Variants in DDX20 observed in about 807,000 individuals in gnomAD.
DDX20 encodes the protein probable ATP-dependent RNA helicase DDX20.
In DDX20, 61 loss-of-function variants were observed where a neutral mutation model predicts 76.4. That is an observed-to-expected ratio of 0.80 (90% CI 0.65 to 0.99). DDX20 has a LOEUF of 0.99. DDX20 is among the 50% of genes least tolerant of loss of function. DDX20 has a pLI of 0.00. For missense variants in DDX20, 976 were observed against 996.8 expected (o/e 0.98, Z 0.28); for synonymous variants, 357 against 357.4 (o/e 1.00, Z 0.01).
chr1:111,756,266 G>GGGGGGGGGAC, intron 1 of DDX20, 41 bp downstream of exon 1: 1 of 842,534 alleles, frequency 1.2e-6, no homozygotes, highest in South Asian at 2.0e-5. Context: ...GGTGGGGTGG[G>GGGGGGGGGAC]AGAAGGGGGA....
chr1:111,766,703 G>A lies in DDX20; in HGVS notation c.2279G>A (p.Arg760Lys), dbSNP rs773781778. The A allele has an allele frequency of 1.2e-6, 2 of 1,614,016 alleles. No homozygotes were observed. Among genetic ancestry groups the A allele is most frequent in the East Asian group, 2.2e-5 (1 of 44,888 alleles). Reference protein sequence around the residue: ...AQEDDWYDCHREIRLSFSDTY... With the variant: ...AQEDDWYDCHKEIRLSFSDTY... Reference sequence around the variant, plus strand: ...GAAGATGATTGGTATGACTGTCATAGGGAAATACGTCTGAGTTTTTCTGAT... The same window carrying A: ...GAAGATGATTGGTATGACTGTCATAAGGAAATACGTCTGAGTTTTTCTGAT... Residue 760 changes from arginine to lysine, a missense_variant, in exon 11 of 11, where the codon AGG (arginine) becomes AAG (lysine). By Grantham distance (26) the Arg-to-Lys change is conservative (BLOSUM62 2). Around this residue, in one of 3 missense-constraint regions of DDX20, gnomAD observed 630 missense variants for 693.7 expected, o/e 0.91. Coordinates refer to ENST00000369702, the MANE Select transcript of DDX20 (RefSeq NM_007204.5).
At position 111,755,951 on chromosome 1, in the gene DDX20, A is replaced by G. The variant is rs1663534603; in HGVS notation, c.27A>G (p.Gly9=). 1 of 1,586,892 alleles carries G rather than the reference A, an allele frequency of 6.3e-7. No homozygotes were observed. Among genetic ancestry groups the G allele is most frequent in the South Asian group, 1.1e-5 (1 of 88,892 alleles). Residue 9 remains glycine, a synonymous_variant, in exon 1 of 11, where the codon GGA becomes GGG. Transcript: ENST00000369702. The part of the protein sequence containing the change: MAAAFEAS[G]ALAAVATAMP... ...TGGCGGCGGCATTTGAAGCCTCGGG[A>G]GCCTTAGCAGCAGTGGCGACTGCTA... is the stretch of plus-strand genomic sequence containing the variant.
At chr1:111,760,355 G>C (rs933217476) in intron 3 of DDX20, 119 bp from the exon 4 acceptor site, 8 of 692,058 alleles carry the variant, frequency 1.2e-5, no homozygotes, top group Admixed American at 5.8e-5. Context: ...TGCATAATGA[G>C]AGTTGAATCA....
intron 10 of DDX20, among the ~76,000 whole-genome samples, chr1:111,764,260 C>T (rs548694651): frequency 2.0e-5 from 3 of 149,016 alleles, no homozygotes; most frequent in East Asian, 2.0e-4. Context: ...CCAGCCTGGG[C>T]GAAAGTGCGA....
rs1010271832 is a variant in DDX20, at chr1:111,766,924, AG to A, written c.*27del. On this transcript the variant is annotated 3_prime_UTR_variant, in exon 11 of 11. Transcript: ENST00000369702. ...ATTATAGGATATACCTGAGACCATCAGGAACTGTCAACAAATGATACCTTTG... is the reference window on the plus strand; with the variant it reads ...ATTATAGGATATACCTGAGACCATCAGAACTGTCAACAAATGATACCTTTG... 3 of 1,550,864 alleles carry A rather than the reference AG, an allele frequency of 1.9e-6. No individual in the cohort carries two copies. Among genetic ancestry groups the A allele is most frequent in the Non-Finnish European group, 2.6e-6 (3 of 1,137,736 alleles).
At chr1:111,763,782 A>G (rs1571612099) in intron 10 of DDX20, among the ~76,000 whole-genome samples, 1 of 152,144 alleles carries the variant, frequency 6.6e-6, no homozygotes. Context: ...ATTGGAGTGA[A>G]ATGTTTTCTT....
chr1:111,762,670 A>G lies in DDX20; in HGVS notation c.1105-7A>G, dbSNP rs759581160. On this transcript the variant is annotated splice_polypyrimidine_tract_variant and splice_region_variant and intron_variant, in intron 8 of 10. Transcript: ENST00000369702. The stretch of plus-strand genomic sequence containing the variant: ...AAACAAATAATTGCTATCTTCTTCA[A>G]TTCAAGACTTCTCGTGGGATTGATG... The G allele has an allele frequency of 1.9e-6, 3 of 1,610,856 alleles. No individual in the cohort carries two copies. Among genetic ancestry groups the G allele is most frequent in the South Asian group, 2.2e-5 (2 of 90,832 alleles).
In DDX20 at chr1:111,766,800, T is replaced by G; in HGVS notation, c.2376T>G (p.Ser792=). Residue 792 remains serine, a synonymous_variant, in exon 11 of 11, where the codon TCT becomes TCG. Coordinates refer to ENST00000369702, the MANE Select transcript of DDX20 (RefSeq NM_007204.5). The stretch of plus-strand genomic sequence containing the variant: ...GGCAAGAATATTATGCTGCCGCTTC[T>G]CATTCATATTATTGGAATGCTCAGA... ...RAWQEYYAAA[S]HSYYWNAQRH... The G allele has an allele frequency of 1.9e-6, 3 of 1,614,162 alleles. No individual in the cohort carries two copies. The highest frequency in any genetic ancestry group is 2.5e-6 in the Non-Finnish European group (3 of 1,179,962).
intron 2 of DDX20, 79 bp downstream of exon 2, chr1:111,756,819 C>G: frequency 1.7e-6 from 2 of 1,187,134 alleles, no homozygotes; most frequent in Non-Finnish European, 2.5e-6. Context: ...AGTAGCTCCT[C>G]AGAGCTGGAA....
chr1:111,761,078 C>T lies in DDX20; in HGVS notation c.915C>T (p.Ser305=). ...CTCAGCATTTACAGGAACTGTTCAG[C>T]AGAATTCCATTTAATCAAGCTTTAG... The part of the protein sequence containing the change: ...EKTQHLQELF[S]RIPFNQALVF... The change falls in exon 6 of 11, where the codon AGC becomes AGT. Residue 305 remains serine, a synonymous_variant. Transcript: ENST00000369702. The T allele has an allele frequency of 6.2e-7, 1 of 1,613,936 alleles. No individual in the cohort carries two copies. The highest frequency in any genetic ancestry group is 8.5e-7 in the Non-Finnish European group (1 of 1,179,906).
Position 111,762,245 on chromosome 1 carries a change from G to T in DDX20, c.1022-10G>T, listed in dbSNP as rs1190539137. On this transcript the variant is annotated splice_polypyrimidine_tract_variant and intron_variant, in intron 7 of 10. Coordinates refer to ENST00000369702, the MANE Select transcript of DDX20 (RefSeq NM_007204.5). ...TGTTTTTATGTGACTTTCTTTTGGG[G>T]TCCTTTTAGGCAATATGAATCAGAA... The T allele has an allele frequency of 3.7e-6, 6 of 1,604,948 alleles. No homozygotes were observed. The highest frequency in any genetic ancestry group is 5.1e-6 in the Non-Finnish European group (6 of 1,176,998).
intron 10 of DDX20, 31 bp downstream of exon 10, chr1:111,763,038 TA>T (rs1663707932): frequency 1.3e-6 from 2 of 1,506,280 alleles, no homozygotes; most frequent in Non-Finnish European, 1.8e-6. Context: ...TATTTCAAAA[TA>T]ATTATAGTGG....
intron 7 of DDX20, chr1:111,761,983 A>G (rs1663684949): frequency 3.4e-6 from 1 of 291,662 alleles, no homozygotes; most frequent in African/African-American, 2.2e-5. Context: ...TATACTTCAT[A>G]TGTAACTTTG....
chr1:111,760,766 C>A lies in DDX20; in HGVS notation c.741C>A (p.Pro247=), dbSNP rs770298635. The change falls in exon 5 of 11, where the codon CCC becomes CCA. Residue 247 remains proline (P), a synonymous_variant. Coordinates refer to ENST00000369702, the MANE Select transcript of DDX20 (RefSeq NM_007204.5). ...TGCTGGCAGTATCAGCTACTTATCCCGAATTTTTGGCTAATGCTTTGACAA... is the reference window on the plus strand; with the variant it reads ...TGCTGGCAGTATCAGCTACTTATCCAGAATTTTTGGCTAATGCTTTGACAA... The part of the protein sequence containing the change: ...KQMLAVSATY[P]EFLANALTKY... 1 of 1,613,718 alleles carries A rather than the reference C, an allele frequency of 6.2e-7. No individual in the cohort carries two copies. The highest frequency in any genetic ancestry group is 8.5e-7 in the Non-Finnish European group (1 of 1,179,878).
At chr1:111,758,443 CAA>C (rs1663609235) in intron 2 of DDX20, among the ~76,000 whole-genome samples, 1 of 148,880 alleles carries the variant, frequency 6.7e-6, no homozygotes, top group African/African-American at 2.5e-5. Context: ...AGTTACATTG[CAA>C]AGTTTTTACC....
chr1:111,763,956 A>G (rs766091114), intron 10 of DDX20, among the ~76,000 whole-genome samples: 4 of 152,238 alleles, frequency 2.6e-5, no homozygotes, highest in Non-Finnish European at 5.9e-5. Flanking sequence ...AATGTGCACT[A>G]TAAATAGTGT....
chr1:111,759,517 T>C lies in DDX20; in HGVS notation c.514T>C (p.Ser172Pro), dbSNP rs776966677. 8 of 1,613,924 alleles carry C rather than the reference T, an allele frequency of 5.0e-6. No individual in the cohort carries two copies. In the East Asian group the frequency reaches 1.8e-4, roughly 36 times the overall value. Residue 172 changes from serine to proline, a missense_variant, in exon 3 of 11, where the codon TCA (serine) becomes CCA (proline). Coordinates refer to ENST00000369702, the MANE Select transcript of DDX20 (RefSeq NM_007204.5). ...CHVFIGGTPL[S>P]QDKTRLKKCH... is the part of the protein sequence containing the mutation. ...TGTCTTTATTGGAGGGACCCCATTA[T>C]CACAAGACAAAACCAGACTTAAAAA...
rs748208565 is a variant in DDX20 at position 111,762,651 on chromosome 1, A to G, written c.1105-26A>G. 15 of 1,578,216 alleles carry G rather than the reference A, an allele frequency of 9.5e-6. No individual in the cohort carries two copies. In the African/African-American group the frequency reaches 1.9e-4, roughly 20 times the overall value. On this transcript the variant is annotated intron_variant, in intron 8 of 10. Coordinates refer to ENST00000369702, the MANE Select transcript of DDX20 (RefSeq NM_007204.5). ...CATGCTGTATAGTTAATGCAAACAA[A>G]TAATTGCTATCTTCTTCAATTCAAG...
Position 111,766,776 on chromosome 1 carries a change from G to C in DDX20, c.2352G>C (p.Trp784Cys). 6.2e-7 allele frequency: 1 copy of C among 1,614,170 alleles called. No homozygotes were observed. Among genetic ancestry groups the C allele is most frequent in the Non-Finnish European group, 8.5e-7 (1 of 1,179,998 alleles). Residue 784 changes from tryptophan to cysteine, a missense_variant, in exon 11 of 11, where the codon TGG (tryptophan) becomes TGC (cysteine). Transcript: ENST00000369702. ...EEYWRAYYRA[W>C]QEYYAAASHS... Reference sequence around the variant, plus strand: ...ACTGGAGAGCTTACTACAGGGCATGGCAAGAATATTATGCTGCCGCTTCTC... The same window carrying C: ...ACTGGAGAGCTTACTACAGGGCATGCCAAGAATATTATGCTGCCGCTTCTC...
Sources: gnomAD v4.1 joint callset for allele counts (sites outside exome capture counted in the v4.1 genomes callset) on GRCh38, gnomAD v4.1.1 for gene constraint, gnomAD v4.1.1 regional missense constraint, MANE v1.5 for transcripts, NCBI Gene and HGNC (gene_info 2026-07-23, HGNC 2026-07-21) for gene names.